The following ATXN7 variants were observed in gnomAD, a reference collection of about 807,000 sequenced individuals.
The protein encoded by ATXN7 is ataxin 7.
ATXN7 carries 12 observed loss-of-function variants against 70.5 expected under a neutral mutation model. The ratio of observed to expected loss-of-function variants is 0.17; its 90% CI spans 0.11 to 0.28. The LOEUF (loss-of-function observed/expected upper bound fraction) is 0.28. Among genes scored for constraint, ATXN7 ranks in the 10% least tolerant of loss-of-function variants. The pLI is 1.00. For missense variants in ATXN7, 1,256 were observed against 1,131.7 expected (o/e 1.11, Z -1.58); for synonymous variants, 498 against 448.7 (o/e 1.11, Z -1.39).
chr3:63,970,239 CT>C (rs1273554613), intron 5 of ATXN7, among the ~76,000 whole-genome samples: 1 of 152,154 alleles, frequency 6.6e-6, no homozygotes, highest in African/African-American at 2.4e-5. Flanking sequence ...CCAAAATGTA[CT>C]TTCCCTAAGT....
In ATXN7 at chr3:63,909,166, G is replaced by C. The variant is rs11927226; in HGVS notation, c.-11-3422G>C. ...GAATTATTACTTAAGTTTTCAGACAGTGAAGTTCCTCAGAGTTACAAGGCA... is the reference window on the plus strand; with the variant it reads ...GAATTATTACTTAAGTTTTCAGACACTGAAGTTCCTCAGAGTTACAAGGCA... On this transcript the variant is annotated intron_variant, in intron 2 of 12. Transcript: ENST00000674280. Among the ~76,000 whole-genome samples, 431 of 151,794 alleles carry C rather than the reference G, an allele frequency of 2.8e-3. 1 individual carries two copies. The highest frequency in any genetic ancestry group is 0.01 in the African/African-American group (412 of 41,046).
At chr3:63,910,716 G>A (rs868041617) in intron 2 of ATXN7, among the ~76,000 whole-genome samples, 3 of 152,026 alleles carry the variant, frequency 2.0e-5, no homozygotes, top group African/African-American at 7.2e-5. Context: ...TACTATTTTG[G>A]TTATTTTGAT....
chr3:63,890,970 G>A (rs1194522134), intron 1 of ATXN7, among the ~76,000 whole-genome samples: 1 of 151,990 alleles, frequency 6.6e-6, no homozygotes, highest in Non-Finnish European at 1.5e-5. Flanking sequence ...CAGAAGTGTG[G>A]CACCCAACAT....
intron 8 of ATXN7, among the ~76,000 whole-genome samples, chr3:63,986,688 C>T (rs746316481): frequency 5.3e-5 from 8 of 152,090 alleles, no homozygotes; most frequent in Non-Finnish European, 8.8e-5. Context: ...TAAAGAAAAT[C>T]AAGTAAAAAT....
Position 63,988,128 on chromosome 3 carries a change from C to T in ATXN7, c.1165C>T (p.His389Tyr), listed in dbSNP as rs375712125. Residue 389 changes from histidine (H) to tyrosine (Y), a missense_variant, in exon 9 of 13, where the codon CAC becomes TAC. By Grantham distance (83) the His-to-Tyr change is moderately conservative (BLOSUM62 2). Coordinates refer to ENST00000674280, the MANE Select transcript of ATXN7 (RefSeq NM_001377405.1). The stretch of plus-strand genomic sequence containing the variant: ...ACGATTTGATGTGTTATTAGCCGAG[C>T]ACAAAAACAAAACCAGGGAAAAGGA... Reference protein sequence around the residue: ...RKRFDVLLAEHKNKTREKELI... With the variant: ...RKRFDVLLAEYKNKTREKELI... 6.6e-5 allele frequency: 106 copies of T among 1,613,918 alleles called. No homozygotes were observed. The highest frequency in any genetic ancestry group is 8.9e-5 in the Non-Finnish European group (105 of 1,180,018).
intron 8 of ATXN7, among the ~76,000 whole-genome samples, chr3:63,986,526 T>A (rs2075581085): frequency 6.6e-6 from 1 of 152,326 alleles, no homozygotes; most frequent in Admixed American, 6.5e-5. Context: ...ATATGTTCAT[T>A]CGTTCTTTCA....
At chr3:63,925,553 C>A (rs1704684927) in intron 4 of ATXN7, among the ~76,000 whole-genome samples, 1 of 152,174 alleles carries the variant, frequency 6.6e-6, no homozygotes, top group South Asian at 2.1e-4. Flanking sequence ...CTGACCCCCC[C>A]AACCCTGGTC....
chr3:63,882,402 T>G (rs1215077246), intron 1 of ATXN7, among the ~76,000 whole-genome samples: 12 of 151,320 alleles, frequency 7.9e-5, no homozygotes, highest in Admixed American at 5.9e-4. Context: ...TTTTTTTTTT[T>G]TGGGTCGGAG....
intron 1 of ATXN7, among the ~76,000 whole-genome samples, chr3:63,892,483 A>C (rs1428262274): frequency 1.3e-5 from 2 of 148,926 alleles, no homozygotes; most frequent in African/African-American, 2.5e-5. Flanking sequence ...ACACACACAC[A>C]CACACACACA....
In ATXN7 at chr3:63,982,606, G is replaced by T. The variant is rs948514319; in HGVS notation, c.1012+161G>T. ...TAATATGTTTGTTCTTTTCACTCTTGGGTTTTAAAGAGCATGAGTGTGTGT... is the reference window on the plus strand; with the variant it reads ...TAATATGTTTGTTCTTTTCACTCTTTGGTTTTAAAGAGCATGAGTGTGTGT... On this transcript the variant is annotated intron_variant, in intron 7 of 12. Transcript: ENST00000674280. 9.6e-5 allele frequency among the ~76,000 whole-genome samples: 14 copies of T among 145,520 alleles called. 1 individual carries two copies. In the South Asian group the frequency reaches 2.5e-3, roughly 26 times the overall value.
chr3:63,900,673 T>C (rs3821900), intron 2 of ATXN7: 1 of 152,396 alleles, frequency 6.6e-6, no homozygotes, highest in African/African-American at 2.4e-5. Flanking sequence ...AGGAGCTCTT[T>C]AGTGCCTGTT....
intron 1 of ATXN7, among the ~76,000 whole-genome samples, chr3:63,880,065 A>G (rs1702863957): frequency 6.6e-6 from 1 of 152,078 alleles, no homozygotes; most frequent in Non-Finnish European, 1.5e-5. Flanking sequence ...TATCCTGGGC[A>G]ACAGAGCAAG....
chr3:63,980,197 T>C (rs779969628), intron 6 of ATXN7, 30 bp downstream of exon 6: 1 of 1,612,696 alleles, frequency 6.2e-7, no homozygotes, highest in South Asian at 1.1e-5. Flanking sequence ...TTTTTAAAGC[T>C]TACCTGCTGG....
intron 7 of ATXN7, 29 bp from the exon 8 acceptor site, chr3:63,982,910 C>T (rs2106762797): frequency 6.4e-7 from 1 of 1,568,110 alleles, no homozygotes; most frequent in Non-Finnish European, 8.8e-7. Flanking sequence ...TTTGTCAGGC[C>T]ACATGTAATG....
intron 11 of ATXN7, among the ~76,000 whole-genome samples, chr3:63,995,154 C>T (rs1037150658): frequency 1.3e-5 from 2 of 151,874 alleles, no homozygotes; most frequent in African/African-American, 4.8e-5. Flanking sequence ...ATTAGCAATC[C>T]GACACTTAAA....
chr3:63,990,583 A>G, intron 10 of ATXN7, 155 bp from the exon 11 acceptor site: 1 of 1,293,906 alleles, frequency 7.7e-7, no homozygotes, highest in Non-Finnish European at 1.1e-6. Context: ...CATGACGCTC[A>G]GGGCTAGGCA....
intron 4 of ATXN7, among the ~76,000 whole-genome samples, chr3:63,917,948 C>T (rs909123494): frequency 4.6e-5 from 7 of 152,154 alleles, no homozygotes; most frequent in African/African-American, 7.2e-5. Context: ...CAGCACTTTT[C>T]GTTGCTCTGT....
intron 5 of ATXN7, among the ~76,000 whole-genome samples, chr3:63,967,575 A>G (rs936846526): frequency 5.9e-5 from 9 of 152,204 alleles, no homozygotes; most frequent in African/African-American, 2.2e-4. Context: ...GTTTAAAGGT[A>G]TTCAGAAAAA....
At chr3:63,969,425 T>C (rs1054325359) in intron 5 of ATXN7, among the ~76,000 whole-genome samples, 34 of 152,212 alleles carry the variant, frequency 2.2e-4, no homozygotes, top group African/African-American at 7.2e-4. Flanking sequence ...TGTTGGACTG[T>C]GGGAAGATGA....
Sources: gnomAD v4.1 joint callset for allele counts (sites outside exome capture counted in the v4.1 genomes callset) on GRCh38, gnomAD v4.1.1 for gene constraint, MANE v1.5 for transcripts, NCBI Gene and HGNC (gene_info 2026-07-23, HGNC 2026-07-21) for gene names.